Variants in PHB1 observed in about 807,000 individuals in gnomAD.
PHB1 encodes the protein epididymis luminal protein 215.
the PHB1 span, among the ~76,000 whole-genome samples, chr17:49,410,791 C>T: frequency 1.3e-5 from 2 of 152,120 alleles, no homozygotes; most frequent in African/African-American, 2.4e-5. Flanking sequence ...CTGGGCCTTG[C>T]GGAAATGTTG....
the PHB1 span, chr17:49,413,117 T>A: frequency 8.0e-7 from 1 of 1,242,656 alleles, no homozygotes; most frequent in Non-Finnish European, 1.2e-6. Context: ...ACATGGGCTA[T>A]GCAGACCAAC....
At chr17:49,408,990 C>A in the PHB1 span, 1 of 1,165,978 alleles carries the variant, frequency 8.6e-7, no homozygotes, top group South Asian at 1.4e-5. Flanking sequence ...AGCCAGGCAC[C>A]TAAACGAGAA....
the PHB1 span, chr17:49,408,916 T>A: frequency 1.5e-6 from 1 of 676,896 alleles, no homozygotes; most frequent in Non-Finnish European, 2.6e-6. Context: ...CATGTTTCCG[T>A]GTTTTCAAGT....
chr17:49,413,931 T>C, the PHB1 span, among the ~76,000 whole-genome samples: 1 of 152,094 alleles, frequency 6.6e-6, no homozygotes, highest in South Asian at 2.1e-4. Flanking sequence ...CACCCTCTCA[T>C]TTCCTGGACA....
At chr17:49,414,825 C>G in the PHB1 span, 1 of 152,430 alleles carries the variant, frequency 6.6e-6, no homozygotes, top group East Asian at 1.9e-4. Flanking sequence ...GCCGCCCCCT[C>G]CATTCTCACC....
the PHB1 span, chr17:49,409,394 G>C: frequency 6.2e-7 from 1 of 1,614,022 alleles, no homozygotes. Context: ...AGTCCTCTCC[G>C]ATGCTGGTGA....
chr17:49,409,046 G>A, the PHB1 span: 3 of 1,592,242 alleles, frequency 1.9e-6, no homozygotes, highest in Non-Finnish European at 2.6e-6. Context: ...TCTTACCAAG[G>A]ACACGTCATC....
the PHB1 span, chr17:49,414,659 T>C: frequency 3.9e-5 from 6 of 152,270 alleles, no homozygotes; most frequent in African/African-American, 1.4e-4. Flanking sequence ...CCTGCCTCCA[T>C]GGACACCTCC....
chr17:49,413,726 T>C, the PHB1 span, among the ~76,000 whole-genome samples: 1 of 151,978 alleles, frequency 6.6e-6, no homozygotes, highest in African/African-American at 2.4e-5. Flanking sequence ...CCCCAGGTGG[T>C]CTCAAACTCC....
the PHB1 span, chr17:49,414,359 C>G: frequency 6.6e-6 from 1 of 151,908 alleles, no homozygotes; most frequent in African/African-American, 2.4e-5. Context: ...GGGAGAAAGG[C>G]TCTAACTAGC....
the PHB1 span, among the ~76,000 whole-genome samples, chr17:49,413,588 A>C: frequency 6.6e-6 from 1 of 150,782 alleles, no homozygotes; most frequent in Non-Finnish European, 1.5e-5. Flanking sequence ...AGCTCACTGA[A>C]GCCTCGACCT....
At chr17:49,410,098 G>C in the PHB1 span, among the ~76,000 whole-genome samples, 4 of 151,630 alleles carry the variant, frequency 2.6e-5, no homozygotes, top group African/African-American at 9.7e-5. Context: ...TCCCAGGCTG[G>C]TCTCAAACTC....
chr17:49,409,832 G>T, the PHB1 span, among the ~76,000 whole-genome samples: 2 of 151,756 alleles, frequency 1.3e-5, no homozygotes, highest in Admixed American at 1.3e-4. Context: ...CACCGCACCT[G>T]GCCACAAGTG....
At chr17:49,404,826 A>G in the PHB1 span, 1 of 607,940 alleles carries the variant, frequency 1.6e-6, no homozygotes, top group Non-Finnish European at 2.9e-6. Flanking sequence ...GTTTCATTTG[A>G]TAGACTAATT....
At chr17:49,408,429 C>T in the PHB1 span, among the ~76,000 whole-genome samples, 9 of 152,324 alleles carry the variant, frequency 5.9e-5, no homozygotes, top group African/African-American at 2.2e-4. Context: ...CAACCTGAAA[C>T]GCTATCCTGC....
At chr17:49,408,965 T>G in the PHB1 span, 1 of 864,738 alleles carries the variant, frequency 1.2e-6, no homozygotes, top group Non-Finnish European at 1.9e-6. Context: ...CCTAATAGCG[T>G]CTACCCAGAA....
the PHB1 span, among the ~76,000 whole-genome samples, chr17:49,410,013 TG>T: frequency 2.6e-5 from 4 of 152,088 alleles, no homozygotes; most frequent in Non-Finnish European, 5.9e-5. Context: ...TCCAAGTAGC[TG>T]GGACTACACA....
the PHB1 span, chr17:49,409,543 GTTTTT>G: frequency 4.8e-6 from 4 of 838,004 alleles, no homozygotes; most frequent in African/African-American, 2.1e-5. Context: ...TTTTTTTTTT[GTTTTT>G]TTTTTTTTTT....
At chr17:49,413,281 C>T in the PHB1 span, 140 of 1,584,614 alleles carry the variant, frequency 8.8e-5, 1 homozygote, top group Admixed American at 5.9e-4. Flanking sequence ...TTCTGCTGGA[C>T]CCTCTCACAC....
Sources: gnomAD v4.1 joint callset for allele counts (sites outside exome capture counted in the v4.1 genomes callset) on GRCh38, gnomAD v4.1.1 for gene constraint, MANE v1.5 for transcripts, NCBI Gene and HGNC (gene_info 2026-07-23, HGNC 2026-07-21) for gene names.